GARRE1: variants seen among roughly 807,000 people sequenced by gnomAD.
GARRE1 encodes the protein granule associated Rac and RHOG effector protein 1.
In GARRE1, 49 loss-of-function variants were observed where a neutral mutation model predicts 103.2. The ratio of observed to expected loss-of-function variants is 0.47; its 90% CI spans 0.38 to 0.60. The LOEUF (loss-of-function observed/expected upper bound fraction) is 0.60, where lower values mean the gene tolerates loss of function less well. Ranked by LOEUF, GARRE1 falls within the 20% of genes least tolerant of loss-of-function variation. The pLI is 0.00. For synonymous variants in GARRE1, 505 were observed against 532.8 expected (o/e 0.95, Z 0.72); for missense variants, 1,199 against 1,370.5 (o/e 0.87, Z 1.98).
In GARRE1 at chr19:34,355,008, G is replaced by C. The variant is rs1009488015; in HGVS notation, c.*2053G>C. On this transcript the variant is annotated 3_prime_UTR_variant, in exon 14 of 14. Transcript: ENST00000299505. ...TGTCACGGTGTGCACACTAATCTCTGTTAAAGTTGTCTATGGCTGTTCTAC... is the reference window on the plus strand; with the variant it reads ...TGTCACGGTGTGCACACTAATCTCTCTTAAAGTTGTCTATGGCTGTTCTAC... 1 of 152,664 alleles carries C rather than the reference G, an allele frequency of 6.6e-6. No individual in the cohort carries two copies. The highest frequency in any genetic ancestry group is 1.5e-5 in the Non-Finnish European group (1 of 68,048). The allele number at this position is 152,664 out of a possible 1,614,324, so 9.5% of individuals were successfully genotyped here. A position where few individuals can be genotyped will look rare whatever the true frequency, so the allele number is the denominator to read the frequency against.
chr19:34,275,110 A>G (rs538619770), intron 1 of GARRE1, among the ~76,000 whole-genome samples: 8 of 151,988 alleles, frequency 5.3e-5, no homozygotes, highest in African/African-American at 1.9e-4. Flanking sequence ...CCACATTATC[A>G]AGGGTAGATA....
Position 34,352,703 on chromosome 19 carries a change from T to C in GARRE1, c.2961T>C (p.Leu987=). The C allele has an allele frequency of 6.2e-7, 1 of 1,613,904 alleles. No individual in the cohort carries two copies. The highest frequency in any genetic ancestry group is 8.5e-7 in the Non-Finnish European group (1 of 1,179,928). The change falls in exon 14 of 14, where the codon CTT becomes CTC. Residue 987 remains leucine, a synonymous_variant. Coordinates refer to ENST00000299505, the MANE Select transcript of GARRE1 (RefSeq NM_014686.5). ...CACCCTGGCAGCACCCTTCCCCGCT[T>C]CCCAGCACGCTGCCCAGCCCCAGCG... ...PKAPWQHPSP[L]PSTLPSPSAP... is the part of the protein sequence containing the mutation.
chr19:34,254,909 G>A (rs1447941482), intron 1 of GARRE1, among the ~76,000 whole-genome samples: 1 of 150,914 alleles, frequency 6.6e-6, no homozygotes, highest in Non-Finnish European at 1.5e-5. Context: ...CGGCACCGCA[G>A]GGGCGGGTCG....
At chr19:34,269,872 A>G (rs370850530) in intron 1 of GARRE1, among the ~76,000 whole-genome samples, 2 of 152,314 alleles carry the variant, frequency 1.3e-5, no homozygotes, top group African/African-American at 4.8e-5. Context: ...TATTAATTCC[A>G]TGGAAGCCAT....
intron 1 of GARRE1, among the ~76,000 whole-genome samples, chr19:34,280,700 A>G (rs1038840834): frequency 6.6e-6 from 1 of 152,080 alleles, no homozygotes; most frequent in African/African-American, 2.4e-5. Context: ...AAGTTGTCCC[A>G]TTATTGATCG....
chr19:34,333,437 A>G (rs2074146317), intron 7 of GARRE1, among the ~76,000 whole-genome samples: 1 of 152,196 alleles, frequency 6.6e-6, no homozygotes, highest in African/African-American at 2.4e-5. Flanking sequence ...TAACATATTT[A>G]TAGTTTGGAA....
intron 6 of GARRE1, 30 bp downstream of exon 6, chr19:34,328,181 G>T: frequency 6.2e-7 from 1 of 1,606,606 alleles, no homozygotes. Context: ...CAGCAAATGA[G>T]TGTGAACTTG....
intron 10 of GARRE1, among the ~76,000 whole-genome samples, chr19:34,344,171 A>G (rs1299978037): frequency 6.6e-6 from 1 of 152,244 alleles, no homozygotes; most frequent in African/African-American, 2.4e-5. Flanking sequence ...GTACATGCAA[A>G]CTTTTTTCTC....
chr19:34,350,214 G>A (rs929956754), intron 12 of GARRE1, among the ~76,000 whole-genome samples: 9 of 152,122 alleles, frequency 5.9e-5, no homozygotes, highest in Non-Finnish European at 1.2e-4. Flanking sequence ...AACAAAGTGC[G>A]GCAGCAACTG....
intron 1 of GARRE1, among the ~76,000 whole-genome samples, chr19:34,295,514 G>A (rs1403405085): frequency 1.0e-5 from 1 of 97,770 alleles, no homozygotes; most frequent in African/African-American, 3.7e-5. Context: ...TGTATCTCTT[G>A]GTGTTTTGTT....
At chr19:34,340,936 C>T (rs545141423) in intron 9 of GARRE1, among the ~76,000 whole-genome samples, 1 of 152,314 alleles carries the variant, frequency 6.6e-6, no homozygotes, top group Non-Finnish European at 1.5e-5. Context: ...CTCTTTAGGG[C>T]TCCATTTTAG....
At chr19:34,272,500 A>G (rs937827113) in intron 1 of GARRE1, among the ~76,000 whole-genome samples, 6 of 152,082 alleles carry the variant, frequency 3.9e-5, no homozygotes, top group South Asian at 2.1e-4. Flanking sequence ...TGCCCTGGCC[A>G]TGAAAGGGTA....
intron 9 of GARRE1, among the ~76,000 whole-genome samples, chr19:34,340,438 T>TTTTTC (rs60039902): frequency 0.053 from 7,705 of 145,256 alleles, 320 homozygotes; most frequent in African/African-American, 0.11. Context: ...CCCCTCTCCC[T>TTTTTC]TTTTCTTTTC....
In GARRE1 at chr19:34,341,465, A is replaced by T. The variant is rs1440297284; in HGVS notation, c.1531A>T (p.Ile511Phe). The change falls in exon 10 of 14, where the codon ATC becomes TTC. Residue 511 changes from isoleucine to phenylalanine, a missense_variant. By Grantham distance (21) the Ile-to-Phe change is conservative (BLOSUM62 0). Coordinates refer to ENST00000299505, the MANE Select transcript of GARRE1 (RefSeq NM_014686.5). Reference protein sequence around the residue: ...PCIQIQLQREICDFGNQADLP... With the variant: ...PCIQIQLQREFCDFGNQADLP... ...CATACAGATCCAGCTGCAAAGGGAG[A>T]TCTGTGATTTTGGCAACCAGGCTGA... 6.2e-7 allele frequency: 1 copy of T among 1,613,636 alleles called. No individual in the cohort carries two copies. The highest frequency in any genetic ancestry group is 1.7e-5 in the Admixed American group (1 of 59,946).
At chr19:34,276,265 G>A (rs1262511986) in intron 1 of GARRE1, among the ~76,000 whole-genome samples, 1 of 152,022 alleles carries the variant, frequency 6.6e-6, no homozygotes, top group African/African-American at 2.4e-5. Flanking sequence ...CTGGTCTCAT[G>A]CTCCTGACCT....
chr19:34,286,865 C>T (rs1451584073), intron 1 of GARRE1, among the ~76,000 whole-genome samples: 2 of 152,144 alleles, frequency 1.3e-5, no homozygotes, highest in Admixed American at 6.5e-5. Context: ...CAGTCGGCAT[C>T]ATCAGGCGTC....
chr19:34,327,551 G>C lies in GARRE1; in HGVS notation c.836G>C (p.Ser279Thr). The C allele has an allele frequency of 6.2e-7, 1 of 1,613,756 alleles. No individual in the cohort carries two copies. Among genetic ancestry groups the C allele is most frequent in the Non-Finnish European group, 8.5e-7 (1 of 1,179,912 alleles). Residue 279 changes from serine (S) to threonine (T), a missense_variant, in exon 4 of 14, where the codon AGT (serine) becomes ACT (threonine). Transcript: ENST00000299505. ...AAAGAACTGAACATAAAAATCGACA[G>C]TGCTTTGCAAGTAAGTTTTTCAGAA... is the stretch of plus-strand genomic sequence containing the variant. ...QLKELNIKID[S>T]ALQAYKIALE...
At chr19:34,319,828 A>T (rs534184168) in intron 2 of GARRE1, 79 bp from the exon 3 acceptor site, 96 of 1,170,508 alleles carry the variant, frequency 8.2e-5, no homozygotes, top group Middle Eastern at 5.8e-4. Flanking sequence ...CTTCTATTCA[A>T]GTTGGTCATT....
In GARRE1 at chr19:34,319,902, C is replaced by T; in HGVS notation, c.496-5C>T. ...TAAACATCCCTGGCTGTCTTGTTTT[C>T]ACAGGTGTTGGGGCGATGTTTCCTG... On this transcript the variant is annotated splice_region_variant and splice_polypyrimidine_tract_variant and intron_variant, in intron 2 of 13. Transcript: ENST00000299505. 3 of 1,613,856 alleles carry T rather than the reference C, an allele frequency of 1.9e-6. No individual in the cohort carries two copies. Among genetic ancestry groups the T allele is most frequent in the Non-Finnish European group, 1.7e-6 (2 of 1,179,686 alleles).
Sources: gnomAD v4.1 joint callset for allele counts (sites outside exome capture counted in the v4.1 genomes callset) on GRCh38, gnomAD v4.1.1 for gene constraint, MANE v1.5 for transcripts, NCBI Gene and HGNC (gene_info 2026-07-23, HGNC 2026-07-21) for gene names.